PRIM2: variants seen among roughly 807,000 people sequenced by gnomAD.
PRIM2 encodes DNA primase large subunit.
Under a neutral mutation model 67.3 loss-of-function variants are expected in PRIM2, and 39 were observed. The ratio of observed to expected loss-of-function variants is 0.58; its 90% CI spans 0.45 to 0.76. The LOEUF is 0.76. Ranked by LOEUF, PRIM2 falls within the 30% of genes least tolerant of loss-of-function variation. PRIM2 has a pLI of 0.00. For missense variants in PRIM2, 398 were observed against 598.7 expected, an observed-to-expected ratio of 0.66 and a Z score of 3.50; for synonymous variants, 143 against 198.7, an observed-to-expected ratio of 0.72 and a Z score of 2.36.
chr6:57,359,725 A>G (rs1018133058), intron 5 of PRIM2, among the ~76,000 whole-genome samples: 2 of 152,236 alleles, frequency 1.3e-5, no homozygotes, highest in African/African-American at 2.4e-5. Context: ...GTAATGAAAG[A>G]TACTATTAAC....
chr6:57,261,513 C>A, the PRIM2 span, among the ~76,000 whole-genome samples: 2 of 152,198 alleles, frequency 1.3e-5, no homozygotes, highest in Non-Finnish European at 2.9e-5. Context: ...TGATACGGAA[C>A]AGGGTAGAGC....
chr6:57,327,943 C>T (rs1489428744), intron 5 of PRIM2, among the ~76,000 whole-genome samples: 1 of 152,074 alleles, frequency 6.6e-6, no homozygotes, highest in Non-Finnish European at 1.5e-5. Flanking sequence ...ATTAGATTAT[C>T]ATAAGGAGTG....
At chr6:57,380,985 A>G (rs532910279) in intron 6 of PRIM2, among the ~76,000 whole-genome samples, 91 of 151,338 alleles carry the variant, frequency 6.0e-4, no homozygotes, top group African/African-American at 2.1e-3. Flanking sequence ...AATTCACCAA[A>G]TAAGTCTAGT....
chr6:57,551,756 G>A (rs1775407586), intron 10 of PRIM2, among the ~76,000 whole-genome samples: 1 of 152,228 alleles, frequency 6.6e-6, no homozygotes, highest in African/African-American at 2.4e-5. Context: ...TATATTACTT[G>A]GTGATTACTG....
chr6:57,471,415 G>A (rs1773334682), intron 7 of PRIM2, among the ~76,000 whole-genome samples: 1 of 152,034 alleles, frequency 6.6e-6, no homozygotes, highest in African/African-American at 2.4e-5. Flanking sequence ...AAGGATGGAG[G>A]GAGAATGGAT....
chr6:57,352,229 TA>T (rs35696402), intron 5 of PRIM2, among the ~76,000 whole-genome samples: 7 of 152,200 alleles, frequency 4.6e-5, no homozygotes, highest in Non-Finnish European at 8.8e-5. Context: ...TATTTTTATT[TA>T]AAAGTGTTCA....
At chr6:57,465,479 G>A (rs578190631) in intron 7 of PRIM2, among the ~76,000 whole-genome samples, 3 of 152,102 alleles carry the variant, frequency 2.0e-5, no homozygotes, top group Non-Finnish European at 4.4e-5. Flanking sequence ...GTTTCTTCAC[G>A]GAACCTGTTT....
chr6:57,457,398 G>A (rs1772832766), intron 7 of PRIM2, among the ~76,000 whole-genome samples: 1 of 152,236 alleles, frequency 6.6e-6, no homozygotes, highest in South Asian at 2.1e-4. Flanking sequence ...GGAGTCTGCA[G>A]AGGCAGGCAG....
chr6:57,606,987 C>T (rs2127493119), intron 12 of PRIM2, among the ~76,000 whole-genome samples: 1 of 152,142 alleles, frequency 6.6e-6, no homozygotes, highest in African/African-American at 2.4e-5. Context: ...GATTGTACAA[C>T]CAAATGTTAA....
chr6:57,502,269 T>C lies in PRIM2; in HGVS notation c.694-5118T>C, dbSNP rs1554346937. On this transcript the variant is annotated intron_variant, in intron 7 of 13. Transcript: ENST00000615550. ...TAACTGCCATTAGGCTAAACAGAAA[T>C]GAGCCCTCAGGAAAGACTCATTCCA... Among the ~76,000 whole-genome samples the C allele has an allele frequency of 5.3e-3, 801 of 152,240 alleles. 7 individuals are homozygous for C. Among genetic ancestry groups the C allele is most frequent in the Non-Finnish European group, 7.8e-3 (532 of 68,026 alleles).
chr6:57,348,183 C>A (rs1768740755), intron 5 of PRIM2, among the ~76,000 whole-genome samples: 1 of 151,890 alleles, frequency 6.6e-6, no homozygotes, highest in Non-Finnish European at 1.5e-5. Context: ...TGTTTTCTAG[C>A]CCGTAGTTTT....
intron 5 of PRIM2, among the ~76,000 whole-genome samples, chr6:57,375,927 C>T (rs1445340072): frequency 2.0e-5 from 3 of 151,782 alleles, no homozygotes; most frequent in Non-Finnish European, 4.4e-5. Context: ...TAAAAAATGG[C>T]CAGGCATGGT....
At chr6:57,570,129 G>C (rs1271959928) in intron 10 of PRIM2, among the ~76,000 whole-genome samples, 22 of 152,248 alleles carry the variant, frequency 1.4e-4, no homozygotes, top group Non-Finnish European at 2.8e-4. Flanking sequence ...CATATTTTTA[G>C]TTTGTTAACT....
intron 5 of PRIM2, among the ~76,000 whole-genome samples, chr6:57,363,080 T>G (rs1769249071): frequency 6.6e-6 from 1 of 152,178 alleles, no homozygotes; most frequent in Non-Finnish European, 1.5e-5. Context: ...TAATCTAATA[T>G]TTAATGTTAA....
chr6:57,542,190 A>G (rs1775174679), intron 10 of PRIM2, among the ~76,000 whole-genome samples: 1 of 152,008 alleles, frequency 6.6e-6, no homozygotes, highest in South Asian at 2.1e-4. Context: ...TGCTCAGGCT[A>G]GTCTCGAACT....
At chr6:57,522,152 A>G (rs1232804626) in intron 8 of PRIM2, among the ~76,000 whole-genome samples, 39 of 152,268 alleles carry the variant, frequency 2.6e-4, no homozygotes, top group African/African-American at 8.2e-4. Flanking sequence ...ACTTAAATAT[A>G]AAAACTTGAT....
At chr6:57,528,759 T>C (rs1189519847) in intron 8 of PRIM2, among the ~76,000 whole-genome samples, 2 of 152,354 alleles carry the variant, frequency 1.3e-5, no homozygotes, top group African/African-American at 2.4e-5. Context: ...GGATGATGGC[T>C]CCTCTACAGG....
intron 5 of PRIM2, among the ~76,000 whole-genome samples, chr6:57,329,924 T>C (rs531657037): frequency 6.6e-5 from 10 of 152,358 alleles, no homozygotes; most frequent in Admixed American, 3.9e-4. Flanking sequence ...ATTGTTAAGA[T>C]TTAAAATTGA....
At chr6:57,577,571 G>A (rs1206391342) in intron 10 of PRIM2, among the ~76,000 whole-genome samples, 3 of 151,806 alleles carry the variant, frequency 2.0e-5, no homozygotes, top group Non-Finnish European at 2.9e-5. Context: ...TGGGATTACA[G>A]GCGCCCACCA....
Sources: gnomAD v4.1 joint callset for allele counts (sites outside exome capture counted in the v4.1 genomes callset) on GRCh38, gnomAD v4.1.1 for gene constraint, MANE v1.5 for transcripts, NCBI Gene and HGNC (gene_info 2026-07-23, HGNC 2026-07-21) for gene names.